VWA8: variants seen among roughly 807,000 people sequenced by gnomAD.
The protein encoded by VWA8 is von Willebrand factor A domain-containing protein 8.
In VWA8, 221 loss-of-function variants were observed where a neutral mutation model predicts 241.5. The ratio of observed to expected loss-of-function variants is 0.91; its 90% CI spans 0.82 to 1.02. VWA8 has a LOEUF of 1.02. Among genes scored for constraint, VWA8 ranks in the 50% least tolerant of loss-of-function variants. The pLI, the probability that VWA8 is intolerant of heterozygous loss-of-function variation, is 0.00. For missense variants in VWA8, 2,322 were observed against 2,328.7 expected (o/e 1.00, Z 0.06); for synonymous variants, 852 against 827.1 (o/e 1.03, Z -0.52).
chr13:41,712,055 A>G (rs945015602), intron 26 of VWA8, among the ~76,000 whole-genome samples: 1 of 152,066 alleles, frequency 6.6e-6, no homozygotes, highest in Non-Finnish European at 1.5e-5. Context: ...CCTCATGGAC[A>G]TAGAGAATGG....
intron 37 of VWA8, among the ~76,000 whole-genome samples, chr13:41,662,539 TC>T (rs2044957635): frequency 6.6e-6 from 1 of 150,572 alleles, no homozygotes; most frequent in Non-Finnish European, 1.5e-5. Context: ...GTTTGTTTTG[TC>T]TTTTTTTTTT....
chr13:41,732,721 C>T (rs1566433490), intron 21 of VWA8, among the ~76,000 whole-genome samples: 2 of 152,000 alleles, frequency 1.3e-5, no homozygotes, highest in Non-Finnish European at 2.9e-5. Context: ...TAAGGCAATC[C>T]ATTATATTTC....
chr13:41,805,102 A>C (rs1233978962), intron 17 of VWA8, among the ~76,000 whole-genome samples: 1 of 152,218 alleles, frequency 6.6e-6, no homozygotes, highest in Non-Finnish European at 1.5e-5. Flanking sequence ...CTTTCCAGTC[A>C]AAAGACAGAG....
intron 13 of VWA8, among the ~76,000 whole-genome samples, chr13:41,832,563 GAA>G (rs75772925): frequency 6.8e-6 from 1 of 147,874 alleles, no homozygotes; most frequent in East Asian, 2.0e-4. Flanking sequence ...ATCACATCAA[GAA>G]AAAAAAAACT....
At chr13:41,586,834 A>C (rs1246508322) in intron 42 of VWA8, among the ~76,000 whole-genome samples, 2 of 152,154 alleles carry the variant, frequency 1.3e-5, no homozygotes, top group African/African-American at 2.4e-5. Context: ...ACTTTTGATA[A>C]TAATTACATG....
chr13:41,913,048 A>G (rs564271220), intron 2 of VWA8, among the ~76,000 whole-genome samples: 1 of 152,334 alleles, frequency 6.6e-6, no homozygotes, highest in East Asian at 1.9e-4. Flanking sequence ...ACAGAATGAA[A>G]TATTATACAG....
intron 43 of VWA8, among the ~76,000 whole-genome samples, chr13:41,573,736 G>C (rs918546179): frequency 6.6e-5 from 10 of 151,094 alleles, no homozygotes; most frequent in Non-Finnish European, 1.2e-4. Context: ...TCCTGCCTCA[G>C]CCTCCCGGGT....
chr13:41,942,803 C>CA (rs1877662813), intron 2 of VWA8, among the ~76,000 whole-genome samples: 1 of 152,140 alleles, frequency 6.6e-6, no homozygotes, highest in Non-Finnish European at 1.5e-5. Context: ...GGTCTTTATC[C>CA]AGTGCAAGAC....
chr13:41,783,995 A>G, intron 18 of VWA8, 94 bp from the exon 19 acceptor site: 1 of 833,826 alleles, frequency 1.2e-6, no homozygotes, highest in Non-Finnish European at 1.9e-6. Flanking sequence ...CTTCAGTAAT[A>G]TCTGTGGATT....
At chr13:41,958,914 C>T (rs562301570) in intron 1 of VWA8, among the ~76,000 whole-genome samples, 2 of 152,200 alleles carry the variant, frequency 1.3e-5, no homozygotes, top group South Asian at 4.1e-4. Flanking sequence ...TCTACCAATA[C>T]GTATATAATA....
chr13:41,583,045 AGG>A (rs2044393716), intron 42 of VWA8, among the ~76,000 whole-genome samples: 1 of 152,196 alleles, frequency 6.6e-6, no homozygotes, highest in Non-Finnish European at 1.5e-5. Flanking sequence ...AGTATCTGAG[AGG>A]GATCCTGGAT....
chr13:41,842,295 A>G (rs1283405823), intron 12 of VWA8, among the ~76,000 whole-genome samples: 1 of 152,216 alleles, frequency 6.6e-6, no homozygotes, highest in Non-Finnish European at 1.5e-5. Flanking sequence ...GATCTCAAAA[A>G]GGCCTCTCAT....
chr13:41,607,951 C>CTG (rs112942448), intron 39 of VWA8, among the ~76,000 whole-genome samples: 10,208 of 150,150 alleles, frequency 0.068, 426 homozygotes, highest in East Asian at 0.15. Flanking sequence ...TTCTAAACTA[C>CTG]TGTGTGTGTG....
intron 20 of VWA8, among the ~76,000 whole-genome samples, chr13:41,776,151 T>C (rs999771885): frequency 2.6e-5 from 4 of 152,214 alleles, no homozygotes; most frequent in Admixed American, 6.5e-5. Context: ...CAGTTCTGTA[T>C]AGTCTTGGTC....
chr13:41,800,994 T>C (rs1869932396), intron 17 of VWA8, among the ~76,000 whole-genome samples: 1 of 152,192 alleles, frequency 6.6e-6, no homozygotes, highest in African/African-American at 2.4e-5. Flanking sequence ...TCTCATGTTT[T>C]CTTTGTAGAC....
chr13:41,777,205 G>A (rs753492774), intron 20 of VWA8, among the ~76,000 whole-genome samples: 2 of 152,142 alleles, frequency 1.3e-5, no homozygotes, highest in Non-Finnish European at 2.9e-5. Context: ...GCTCTCAAGG[G>A]ACATATAGAC....
chr13:41,702,062 G>A (rs1039489415), intron 27 of VWA8, among the ~76,000 whole-genome samples: 5 of 152,164 alleles, frequency 3.3e-5, no homozygotes, highest in African/African-American at 9.7e-5. Flanking sequence ...GACTTATGAA[G>A]GATAGAGTAT....
chr13:41,668,139 G>T (rs550415617), intron 37 of VWA8, among the ~76,000 whole-genome samples: 9 of 152,298 alleles, frequency 5.9e-5, no homozygotes, highest in Admixed American at 3.3e-4. Context: ...AATATGGACA[G>T]TTCCTTTGCT....
chr13:41,897,362 T>C (rs4941411), intron 4 of VWA8, among the ~76,000 whole-genome samples: 130,383 of 152,178 alleles, frequency 0.86, 56,064 homozygotes, highest in East Asian at 1. Flanking sequence ...GACCTCTCAC[T>C]CCAGTTAGAA....
Sources: allele counts gnomAD v4.1 joint callset (sites outside exome capture counted in the v4.1 genomes callset), GRCh38; gene constraint gnomAD v4.1.1; transcripts MANE v1.5; gene names NCBI Gene and HGNC (gene_info 2026-07-23, HGNC 2026-07-21).